ABCA6: variants seen among roughly 807,000 people sequenced by gnomAD.
The protein encoded by ABCA6 is ATP-binding cassette sub-family A member 6.
ABCA6 carries 164 observed loss-of-function variants against 191.2 expected under a neutral mutation model. The observed-to-expected ratio is 0.86, with a 90% confidence interval of 0.76 to 0.98. The LOEUF (loss-of-function observed/expected upper bound fraction) is 0.98, where lower values mean the gene tolerates loss of function less well. ABCA6 is among the 50% of genes least tolerant of loss of function. The pLI is 0.00. For missense variants in ABCA6, 1,958 were observed against 1,894.1 expected (o/e 1.03, Z -0.63); for synonymous variants, 636 against 647.7 (o/e 0.98, Z 0.27).
intron 4 of ABCA6, chr17:69,135,884 T>G (rs1258185391): frequency 3.6e-6 from 2 of 555,746 alleles, no homozygotes; most frequent in African/African-American, 3.8e-5. Context: ...ATCTGCATGC[T>G]CAACACATAT....
chr17:69,092,071 G>A (rs890957850), intron 25 of ABCA6, among the ~76,000 whole-genome samples: 1 of 151,996 alleles, frequency 6.6e-6, no homozygotes, highest in African/African-American at 2.4e-5. Flanking sequence ...TTCTGAGATT[G>A]TGTATTTTTA....
intron 19 of ABCA6, 165 bp from the exon 20 acceptor site, chr17:69,105,793 G>A (rs1205248908): frequency 5.6e-6 from 4 of 712,296 alleles, no homozygotes; most frequent in Non-Finnish European, 6.8e-6. Context: ...AGTACCAGAA[G>A]GCATTACTAT....
chr17:69,082,541 G>A (rs1013531752), intron 36 of ABCA6, among the ~76,000 whole-genome samples: 1 of 152,052 alleles, frequency 6.6e-6, no homozygotes, highest in African/African-American at 2.4e-5. Flanking sequence ...TATATGTTAA[G>A]CGTTTATGAG....
At position 69,115,326 on chromosome 17, in the gene ABCA6, C is replaced by T. The variant is rs1456505573; in HGVS notation, c.1606+50G>A. 3 of 1,372,398 alleles carry T rather than the reference C, an allele frequency of 2.2e-6. No individual in the cohort carries two copies. In the African/African-American group the frequency reaches 4.3e-5, roughly 20 times the overall value. The allele number at this position is 1,372,398 out of a possible 1,614,324, so 85.0% of individuals were successfully genotyped here. A position where few individuals can be genotyped will look rare whatever the true frequency, so the allele number is the denominator to read the frequency against. On this transcript the variant is annotated intron_variant, in intron 12 of 38. Transcript: ENST00000284425. ...TTAAAATGAGAGGCATATGCTTGACCTCATTCTATTATAAGACATCTTGCC... is the reference window on the plus strand; with the variant it reads ...TTAAAATGAGAGGCATATGCTTGACTTCATTCTATTATAAGACATCTTGCC...
intron 4 of ABCA6, chr17:69,135,856 G>A (rs2073937794): frequency 6.1e-6 from 3 of 493,664 alleles, no homozygotes; most frequent in African/African-American, 2.0e-5. Context: ...GGTTACTCAT[G>A]TGTCCTTTGA....
chr17:69,083,266 G>T lies in ABCA6; in HGVS notation c.4421C>A (p.Ala1474Asp). 4.3e-6 allele frequency: 7 copies of T among 1,611,836 alleles called. No homozygotes were observed. Among genetic ancestry groups the T allele is most frequent in the Non-Finnish European group, 5.9e-6 (7 of 1,179,374 alleles). ...ACGGTCACACAAGGCTTCCGCCTCA[G>T]CCAGGTTATGGGTGGTCAGGAGGAC... The part of the protein sequence containing the change: ...RGVLLTTHNL[A>D]EAEALCDRVA... Residue 1474 changes from alanine to aspartate, a missense_variant, in exon 35 of 39, where the codon GCT becomes GAT. By Grantham distance (126) the Ala-to-Asp change is moderately radical. Transcript: ENST00000284425.
At chr17:69,105,805 T>C (rs1250313022) in intron 19 of ABCA6, 177 bp from the exon 20 acceptor site, 9 of 710,272 alleles carry the variant, frequency 1.3e-5, no homozygotes, top group Non-Finnish European at 2.0e-5. Flanking sequence ...CATTACTATA[T>C]AAACACCAGG....
intron 27 of ABCA6, 78 bp downstream of exon 27, chr17:69,089,387 C>T: frequency 1.5e-6 from 2 of 1,375,002 alleles, no homozygotes; most frequent in South Asian, 1.2e-5. Flanking sequence ...AAATGGCACA[C>T]TTTGGACAAG....
chr17:69,079,393 A>G (rs1262480174), intron 37 of ABCA6, 128 bp from the exon 38 acceptor site: 1 of 575,314 alleles, frequency 1.7e-6, no homozygotes, highest in Non-Finnish European at 2.9e-6. Flanking sequence ...CCAATGCTTG[A>G]TGTAAGGATG....
intron 7 of ABCA6, among the ~76,000 whole-genome samples, chr17:69,129,076 G>A (rs2073811352): frequency 6.6e-6 from 1 of 152,156 alleles, no homozygotes; most frequent in Non-Finnish European, 1.5e-5. Context: ...TAGAAATGCA[G>A]ACTTGGGTCT....
intron 14 of ABCA6, 95 bp downstream of exon 14, chr17:69,113,523 A>G: frequency 2.5e-6 from 4 of 1,590,172 alleles, no homozygotes; most frequent in Non-Finnish European, 3.4e-6. Context: ...CTCTTGATGC[A>G]TTACAATGAA....
intron 36 of ABCA6, 65 bp downstream of exon 36, chr17:69,082,808 G>A: frequency 1.3e-6 from 2 of 1,592,408 alleles, no homozygotes; most frequent in Admixed American, 3.6e-5. Context: ...TTCTCACACA[G>A]CAAAAAGGAA....
intron 17 of ABCA6, chr17:69,108,642 G>A (rs1186937187): frequency 6.6e-6 from 1 of 152,124 alleles, no homozygotes; most frequent in Non-Finnish European, 1.5e-5. Context: ...ATACTTGCAT[G>A]AGACTGCAGG....
Position 69,098,038 on chromosome 17 carries a change from A to G in ABCA6, c.3013-11T>C. ...GAGTCCTATGTGGCTCTGAAAATAT[A>G]AAGGGTAGCTTAAACTAGTGAATAT... On this transcript the variant is annotated splice_polypyrimidine_tract_variant and intron_variant, in intron 22 of 38. Transcript: ENST00000284425. The G allele has an allele frequency of 6.4e-7, 1 of 1,554,770 alleles. No individual in the cohort carries two copies. Among genetic ancestry groups the G allele is most frequent in the South Asian group, 1.2e-5 (1 of 83,414 alleles).
At position 69,134,888 on chromosome 17, in the gene ABCA6, CT is replaced by C. The variant is rs58333377; in HGVS notation, c.461-147del. ...GGTGTTTCGTTTTTGTTGTGGTTGT[CT>C]TTTTTTTTTTGGAGATGAAGTCTCA... On this transcript the variant is annotated intron_variant, in intron 4 of 38. Coordinates refer to ENST00000284425, the MANE Select transcript of ABCA6 (RefSeq NM_080284.3). 4.1e-3 allele frequency: 1,292 copies of C among 311,600 alleles called. 7 individuals carry two copies. The highest frequency in any genetic ancestry group is 6.2e-3 in the East Asian group (54 of 8,678). The allele number at this position is 311,600 out of a possible 1,614,324, so 19.3% of individuals were successfully genotyped here.
chr17:69,094,636 C>T (rs115533001), intron 25 of ABCA6: 22 of 165,590 alleles, frequency 1.3e-4, no homozygotes, highest in African/African-American at 5.0e-4. Flanking sequence ...ATGTTTCTAT[C>T]ACTGATGCTG....
chr17:69,093,299 G>A (rs2072969607), intron 25 of ABCA6, among the ~76,000 whole-genome samples: 1 of 152,098 alleles, frequency 6.6e-6, no homozygotes, highest in Non-Finnish European at 1.5e-5. Context: ...AGGCTGAAAA[G>A]AATTTAAGTT....
rs780422023 is a variant in ABCA6 at position 69,128,747 on chromosome 17, C to T, written c.991G>A (p.Val331Ile). ...LLKKAVLTNL[V>I]VFLLTLFWGC... The stretch of plus-strand genomic sequence containing the variant: ...CAAAAGAGGGTAAGGAGAAACACAA[C>T]CAAATTGGTGAGGACAGCTTTCTTT... The change falls in exon 8 of 39, where the codon GTT becomes ATT. Residue 331 changes from valine (V) to isoleucine (I), a missense_variant. Physicochemically the swap from Val to Ile is conservative, Grantham distance 29. Transcript: ENST00000284425. 5 of 1,611,948 alleles carry T rather than the reference C, an allele frequency of 3.1e-6. No individual in the cohort carries two copies. Among genetic ancestry groups the T allele is most frequent in the Non-Finnish European group, 3.4e-6 (4 of 1,178,928 alleles).
chr17:69,131,411 A>T lies in ABCA6; in HGVS notation c.792-1660T>A, dbSNP rs534392732. 4.6e-5 allele frequency among the ~76,000 whole-genome samples: 7 copies of T among 152,326 alleles called. No individual in the cohort carries two copies. The South Asian group carries it at 1.2e-3, about 27-fold the overall frequency. ...ACATTCTGTAGAACCTACTTCCTGA[A>T]TTCAGAAGGGAACTACTTTAGGTAG... On this transcript the variant is annotated intron_variant, in intron 6 of 38. Transcript: ENST00000284425.
Sources: allele counts gnomAD v4.1 joint callset (sites outside exome capture counted in the v4.1 genomes callset), GRCh38; gene constraint gnomAD v4.1.1; transcripts MANE v1.5; gene names NCBI Gene and HGNC (gene_info 2026-07-23, HGNC 2026-07-21).